Variants in PDSS2 observed in about 807,000 individuals in gnomAD.
PDSS2 encodes decaprenyl diphosphate synthase subunit 2.
A neutral mutation model predicts 44.5 loss-of-function variants in PDSS2; 31 were observed. The observed-to-expected ratio is 0.70, with a 90% CI of 0.52 to 0.94. The LOEUF is 0.94. Ranked by LOEUF, PDSS2 falls within the 40% of genes least tolerant of loss-of-function variation. The probability of loss-of-function intolerance (pLI) is 0.00; values close to 1 mark genes in which losing one functional copy is unlikely to be tolerated. For missense variants in PDSS2, 452 were observed against 482.2 expected (o/e 0.94, Z 0.59); for synonymous variants, 157 against 180.3 (o/e 0.87, Z 1.03).
At chr6:107,410,605 G>A (rs1041920799) in intron 1 of PDSS2, among the ~76,000 whole-genome samples, 19 of 151,390 alleles carry the variant, frequency 1.3e-4, no homozygotes, top group Admixed American at 7.9e-4. Flanking sequence ...TCTCTGCTTC[G>A]GCCTCCCAAA....
chr6:107,402,570 T>C (rs1342326633), intron 1 of PDSS2, among the ~76,000 whole-genome samples: 1 of 96,690 alleles, frequency 1.0e-5, no homozygotes, highest in Non-Finnish European at 2.2e-5. Flanking sequence ...TATATACATG[T>C]GTATATATAT....
At chr6:107,226,583 G>T (rs1479587027) in intron 4 of PDSS2, among the ~76,000 whole-genome samples, 1 of 152,106 alleles carries the variant, frequency 6.6e-6, no homozygotes, top group African/African-American at 2.4e-5. Flanking sequence ...GACAGTGAGG[G>T]TGAGAATGGT....
intron 1 of PDSS2, among the ~76,000 whole-genome samples, chr6:107,411,677 A>T (rs1175810400): frequency 6.6e-6 from 1 of 152,172 alleles, no homozygotes; most frequent in Non-Finnish European, 1.5e-5. Flanking sequence ...CAACGATTTA[A>T]ATAGCACTTA....
intron 1 of PDSS2, among the ~76,000 whole-genome samples, chr6:107,430,260 G>A (rs1781152943): frequency 6.6e-6 from 1 of 152,062 alleles, no homozygotes; most frequent in South Asian, 2.1e-4. Context: ...AACACTTTGG[G>A]AGGCCAAGGT....
intron 1 of PDSS2, among the ~76,000 whole-genome samples, chr6:107,453,737 C>T (rs1180584291): frequency 2.0e-5 from 3 of 152,076 alleles, no homozygotes; most frequent in Admixed American, 1.3e-4. Flanking sequence ...GCTGCTTATC[C>T]TTGCTTTTAA....
chr6:107,429,936 A>G (rs1257304062), intron 1 of PDSS2, among the ~76,000 whole-genome samples: 28 of 130,010 alleles, frequency 2.2e-4, no homozygotes, highest in Non-Finnish European at 3.6e-4. Flanking sequence ...ATATATATAT[A>G]TACACCAAAC....
At chr6:107,454,110 C>T (rs1051779541) in intron 1 of PDSS2, among the ~76,000 whole-genome samples, 9 of 150,210 alleles carry the variant, frequency 6.0e-5, no homozygotes, top group Non-Finnish European at 1.0e-4. Flanking sequence ...CACAGTGGCA[C>T]GACCACAGCT....
intron 6 of PDSS2, among the ~76,000 whole-genome samples, chr6:107,207,535 T>C (rs146274117): frequency 3.3e-5 from 5 of 152,168 alleles, no homozygotes; most frequent in African/African-American, 9.6e-5. Context: ...CAGAACAAGA[T>C]GGTTATCTTA....
chr6:107,196,426 C>T (rs1772565100), intron 6 of PDSS2, among the ~76,000 whole-genome samples: 1 of 152,198 alleles, frequency 6.6e-6, no homozygotes, highest in African/African-American at 2.4e-5. Context: ...TTTCAGTTCT[C>T]AAACTCGCAG....
chr6:107,174,904 G>A (rs1452776340), intron 7 of PDSS2, among the ~76,000 whole-genome samples: 5 of 152,134 alleles, frequency 3.3e-5, no homozygotes, highest in Non-Finnish European at 7.4e-5. Flanking sequence ...CTTACTGTGT[G>A]CCCAGCACTG....
At chr6:107,419,350 G>GAAA (rs1366937025) in intron 1 of PDSS2, among the ~76,000 whole-genome samples, 4 of 152,246 alleles carry the variant, frequency 2.6e-5, no homozygotes, top group Admixed American at 2.6e-4. Flanking sequence ...CAAAGGAAGA[G>GAAA]AAAAAATAAA....
chr6:107,213,680 C>T (rs1773308649), intron 4 of PDSS2, among the ~76,000 whole-genome samples: 1 of 152,082 alleles, frequency 6.6e-6, no homozygotes, highest in African/African-American at 2.4e-5. Flanking sequence ...TCACTTGAAC[C>T]TGGGTGGGAG....
chr6:107,455,129 T>C (rs561313668), intron 1 of PDSS2, among the ~76,000 whole-genome samples: 2 of 151,526 alleles, frequency 1.3e-5, no homozygotes, highest in Admixed American at 1.3e-4. Flanking sequence ...TCTGTGCCTT[T>C]CCAGTTCTGT....
chr6:107,229,547 G>A (rs1159246515), intron 4 of PDSS2, among the ~76,000 whole-genome samples: 2 of 152,106 alleles, frequency 1.3e-5, no homozygotes, highest in Admixed American at 6.6e-5. Context: ...TACTTTGGTA[G>A]GGTGAATTAG....
chr6:107,212,175 T>C lies in PDSS2; in HGVS notation c.810A>G (p.Ala270=). ...AKSCQAAMEL[A]KHDAEVQNMA... ...TATTCTGAACCTCAGCATCATGCTTTGCTAATTCCATTGCAGCTTGGCAGC... is the reference window on the plus strand; with the variant it reads ...TATTCTGAACCTCAGCATCATGCTTCGCTAATTCCATTGCAGCTTGGCAGC... Residue 270 remains alanine (A), a synonymous_variant, in exon 5 of 8, where the codon GCA becomes GCG. Coordinates refer to ENST00000369037, the MANE Select transcript of PDSS2 (RefSeq NM_020381.4). 1 of 1,614,152 alleles carries C rather than the reference T, an allele frequency of 6.2e-7. No homozygotes were observed. The highest frequency in any genetic ancestry group is 8.5e-7 in the Non-Finnish European group (1 of 1,179,986).
intron 1 of PDSS2, among the ~76,000 whole-genome samples, chr6:107,439,391 C>T (rs1781449519): frequency 6.6e-6 from 1 of 152,226 alleles, no homozygotes; most frequent in South Asian, 2.1e-4. Flanking sequence ...TAAATTCCAG[C>T]AAGCCCAAAA....
intron 1 of PDSS2, among the ~76,000 whole-genome samples, chr6:107,418,570 G>A (rs1450792012): frequency 2.6e-5 from 4 of 152,190 alleles, no homozygotes; most frequent in East Asian, 1.9e-4. Context: ...TCAGGAGTTC[G>A]AGACCATCCT....
chr6:107,435,378 A>C (rs1781320081), intron 1 of PDSS2, among the ~76,000 whole-genome samples: 1 of 151,936 alleles, frequency 6.6e-6, no homozygotes, highest in African/African-American at 2.4e-5. Flanking sequence ...TGTACCATGC[A>C]TACTCCATTG....
intron 5 of PDSS2, among the ~76,000 whole-genome samples, 198 bp from the exon 6 acceptor site, chr6:107,210,768 C>T (rs919169936): frequency 6.6e-6 from 1 of 152,014 alleles, no homozygotes; most frequent in Non-Finnish European, 1.5e-5. Context: ...GTTTGGGAGG[C>T]TGGGATGGGT....
Sources: gnomAD v4.1 joint callset for allele counts (sites outside exome capture counted in the v4.1 genomes callset) on GRCh38, gnomAD v4.1.1 for gene constraint, MANE v1.5 for transcripts, NCBI Gene and HGNC (gene_info 2026-07-23, HGNC 2026-07-21) for gene names.